GLRA3: variants seen among roughly 807,000 people sequenced by gnomAD.
GLRA3 encodes the protein glycine receptor subunit alpha-3.
Under a neutral mutation model 60.4 loss-of-function variants are expected in GLRA3, and 44 were observed. The ratio of observed to expected loss-of-function variants is 0.73; its 90% confidence interval spans 0.57 to 0.94. GLRA3 has a LOEUF of 0.94. Among genes scored for constraint, GLRA3 ranks in the 40% least tolerant of loss-of-function variants. The pLI is 0.00. For synonymous variants in GLRA3, 223 were observed against 192.9 expected, an observed-to-expected ratio of 1.16 and a Z score of -1.29; for missense variants, 508 against 564.6, an observed-to-expected ratio of 0.90 and a Z score of 1.02.
At chr4:174,784,895 A>G (rs992247303) in intron 2 of GLRA3, among the ~76,000 whole-genome samples, 1 of 152,172 alleles carries the variant, frequency 6.6e-6, no homozygotes, top group African/African-American at 2.4e-5. Flanking sequence ...TGATTCTCAA[A>G]AATGTTTCAG....
At position 174,760,860 on chromosome 4, in the gene GLRA3, A is replaced by G. The variant is rs568201219; in HGVS notation, c.267+6103T>C. On this transcript the variant is annotated intron_variant, in intron 3 of 9. Coordinates refer to ENST00000274093, the MANE Select transcript of GLRA3 (RefSeq NM_006529.4). ...GCAAAGTAGAATGGATAAATATATT[A>G]TGAAATACTGAAATGAAAATGAAAA... 2.6e-5 allele frequency among the ~76,000 whole-genome samples: 4 copies of G among 152,324 alleles called. No homozygotes were observed. In the East Asian group the frequency reaches 7.7e-4, roughly 29 times the overall value.
intron 2 of GLRA3, among the ~76,000 whole-genome samples, chr4:174,777,066 A>G (rs1464661411): frequency 6.6e-6 from 1 of 152,174 alleles, no homozygotes; most frequent in Non-Finnish European, 1.5e-5. Flanking sequence ...AAGATAGCAG[A>G]TTTTTTAAAA....
intron 1 of GLRA3, among the ~76,000 whole-genome samples, chr4:174,805,054 G>A (rs375067816): frequency 6.6e-6 from 1 of 152,108 alleles, no homozygotes; most frequent in African/African-American, 2.4e-5. Context: ...GCATTCCCCT[G>A]TGCAAGCTTC....
chr4:174,696,169 A>T (rs1735045744), intron 5 of GLRA3, among the ~76,000 whole-genome samples: 1 of 151,910 alleles, frequency 6.6e-6, no homozygotes, highest in African/African-American at 2.4e-5. Context: ...ATGATGCTTT[A>T]AATTAATGTG....
At chr4:174,685,108 C>T (rs2110984042) in intron 5 of GLRA3, among the ~76,000 whole-genome samples, 1 of 152,266 alleles carries the variant, frequency 6.6e-6, no homozygotes, top group East Asian at 1.9e-4. Context: ...CTCCTGGAAA[C>T]AAGCTTGTAT....
At chr4:174,649,529 G>A (rs375503860) in intron 9 of GLRA3, among the ~76,000 whole-genome samples, 25 of 152,190 alleles carry the variant, frequency 1.6e-4, no homozygotes, top group African/African-American at 4.8e-4. Flanking sequence ...TGCCTAACTC[G>A]TCCTTTTTAG....
chr4:174,771,398 T>A (rs985269767), intron 2 of GLRA3, among the ~76,000 whole-genome samples: 1 of 152,136 alleles, frequency 6.6e-6, no homozygotes, highest in Non-Finnish European at 1.5e-5. Context: ...CTTTCATATT[T>A]TCTAGGTTAT....
At chr4:174,826,245 CAAT>C (rs1740963003) in intron 1 of GLRA3, among the ~76,000 whole-genome samples, 1 of 152,050 alleles carries the variant, frequency 6.6e-6, no homozygotes, top group African/African-American at 2.4e-5. Context: ...TATGATACAA[CAAT>C]GAGAATGAAT....
intron 3 of GLRA3, among the ~76,000 whole-genome samples, chr4:174,743,029 A>C (rs548545763): frequency 2.0e-5 from 3 of 152,218 alleles, no homozygotes; most frequent in Non-Finnish European, 4.4e-5. Flanking sequence ...TGGGATAAAA[A>C]TTATTTCAAA....
chr4:174,812,973 G>A (rs775726649), intron 1 of GLRA3, among the ~76,000 whole-genome samples: 34 of 152,080 alleles, frequency 2.2e-4, no homozygotes, highest in African/African-American at 5.6e-4. Context: ...AAGAGCACAC[G>A]CGTTCCTTTA....
At chr4:174,759,872 G>T (rs1031860561) in intron 3 of GLRA3, among the ~76,000 whole-genome samples, 1 of 151,898 alleles carries the variant, frequency 6.6e-6, no homozygotes, top group African/African-American at 2.4e-5. Flanking sequence ...AACTCCAAGG[G>T]GACTAAAACC....
intron 3 of GLRA3, among the ~76,000 whole-genome samples, chr4:174,751,224 G>A (rs1302052168): frequency 6.6e-6 from 1 of 152,024 alleles, no homozygotes; most frequent in East Asian, 1.9e-4. Flanking sequence ...CATCATAAGT[G>A]TGGTGTAAAT....
rs144988347 is a variant in GLRA3 at position 174,700,488 on chromosome 4, C to T, written c.574+15000G>A. Among the ~76,000 whole-genome samples, 268 of 152,186 alleles carry T rather than the reference C, an allele frequency of 1.8e-3. 1 individual carries two copies. The highest frequency in any genetic ancestry group is 6.1e-3 in the African/African-American group (255 of 41,542). The stretch of plus-strand genomic sequence containing the variant: ...TACAAACTACCTCCCTATATGATGG[C>T]AAATTATTAGCCAATTAATAACTAC... On this transcript the variant is annotated intron_variant, in intron 5 of 9. Coordinates refer to ENST00000274093, the MANE Select transcript of GLRA3 (RefSeq NM_006529.4).
At position 174,639,349 on chromosome 4, in the gene GLRA3, T is replaced by A. The variant is rs1732571433; in HGVS notation, c.*4437A>T. 6.6e-6 allele frequency: 1 copy of A among 150,770 alleles called. No homozygotes were observed. The highest frequency in any genetic ancestry group is 2.1e-4 in the South Asian group (1 of 4,764). The allele number at this position is 150,770 out of a possible 1,614,324, so 9.3% of individuals were successfully genotyped here. The stretch of plus-strand genomic sequence containing the variant: ...TCTTTGTATTTTTAATCTAAAGGAA[T>A]TCATCTCATTACCAATATGTGTATG... On this transcript the variant is annotated 3_prime_UTR_variant, in exon 10 of 10. Coordinates refer to ENST00000274093, the MANE Select transcript of GLRA3 (RefSeq NM_006529.4).
chr4:174,781,370 C>T (rs1251852984), intron 2 of GLRA3, among the ~76,000 whole-genome samples: 2 of 148,494 alleles, frequency 1.3e-5, no homozygotes, highest in Non-Finnish European at 3.0e-5. Flanking sequence ...CAGGAAAGAT[C>T]CAAAATTGAC....
intron 1 of GLRA3, among the ~76,000 whole-genome samples, chr4:174,808,828 TATAGA>T (rs1478985802): frequency 1.3e-5 from 2 of 152,140 alleles, no homozygotes; most frequent in Admixed American, 1.3e-4. Flanking sequence ...GACAAAAGCT[TATAGA>T]ATAAAGATAT....
At chr4:174,720,902 A>C (rs1483182279) in intron 4 of GLRA3, among the ~76,000 whole-genome samples, 1 of 152,218 alleles carries the variant, frequency 6.6e-6, no homozygotes, top group Non-Finnish European at 1.5e-5. Context: ...TGGTAGACAA[A>C]TAGCTAAACA....
intron 2 of GLRA3, among the ~76,000 whole-genome samples, chr4:174,787,022 G>A (rs765816995): frequency 6.6e-6 from 1 of 151,880 alleles, no homozygotes; most frequent in Non-Finnish European, 1.5e-5. Context: ...ATCCTTGGGG[G>A]TCCTTTCCTG....
chr4:174,694,936 A>G (rs1734991721), intron 5 of GLRA3, among the ~76,000 whole-genome samples: 1 of 152,184 alleles, frequency 6.6e-6, no homozygotes, highest in Non-Finnish European at 1.5e-5. Flanking sequence ...ATCAGAGACT[A>G]CCATGAACAC....
Sources: allele counts gnomAD v4.1 joint callset (sites outside exome capture counted in the v4.1 genomes callset), GRCh38; gene constraint gnomAD v4.1.1; transcripts MANE v1.5; gene names NCBI Gene and HGNC (gene_info 2026-07-23, HGNC 2026-07-21).